MAGI2: variants seen among roughly 807,000 people sequenced by gnomAD.
MAGI2 encodes membrane-associated guanylate kinase, WW and PDZ domain-containing protein 2.
Under a neutral mutation model 133.3 loss-of-function variants are expected in MAGI2, and 35 were observed. That is an observed-to-expected ratio of 0.26 (90% CI 0.20 to 0.35). MAGI2 has a LOEUF of 0.35. MAGI2 is among the 10% of genes least tolerant of loss of function. MAGI2 has a pLI of 1.00. For synonymous variants in MAGI2, 729 were observed against 710.6 expected (o/e 1.03, Z -0.41); for missense variants, 1,636 against 1,863.4 (o/e 0.88, Z 2.25).
chr7:78,965,336 AT>A (rs952758548), intron 2 of MAGI2, among the ~76,000 whole-genome samples: 2,062 of 148,104 alleles, frequency 0.014, 49 homozygotes, highest in African/African-American at 0.047. Context: ...AAAAGGTAGA[AT>A]TTTTTTTTTT....
intron 9 of MAGI2, among the ~76,000 whole-genome samples, chr7:78,286,816 T>C (rs1388075140): frequency 6.6e-6 from 1 of 152,028 alleles, no homozygotes; most frequent in African/African-American, 2.4e-5. Context: ...GAACTGGTGG[T>C]GGGGATAAGT....
intron 2 of MAGI2, among the ~76,000 whole-genome samples, chr7:78,735,913 G>A (rs1224623899): frequency 3.9e-5 from 6 of 152,108 alleles, no homozygotes; most frequent in East Asian, 1.9e-4. Flanking sequence ...AAAGTAGACC[G>A]AATGTGTGTG....
At chr7:78,419,056 T>C (rs1308508815) in intron 6 of MAGI2, among the ~76,000 whole-genome samples, 1 of 152,134 alleles carries the variant, frequency 6.6e-6, no homozygotes, top group Non-Finnish European at 1.5e-5. Context: ...CAGTAAATAT[T>C]GATCAACCTG....
intron 2 of MAGI2, among the ~76,000 whole-genome samples, chr7:78,740,324 A>G (rs998721266): frequency 1.3e-5 from 2 of 152,130 alleles, no homozygotes; most frequent in Non-Finnish European, 2.9e-5. Flanking sequence ...ACATACCTTG[A>G]TATATTTATA....
chr7:78,206,293 TC>T (rs71085514), intron 10 of MAGI2, among the ~76,000 whole-genome samples: 19,824 of 75,642 alleles, frequency 0.26, 1,787 homozygotes, highest in Non-Finnish European at 0.32. Flanking sequence ...CCTTTTCCTT[TC>T]TTTTTTTTTT....
chr7:78,255,284 C>T (rs1466920504), intron 10 of MAGI2: 1 of 153,952 alleles, frequency 6.5e-6, no homozygotes, highest in African/African-American at 2.4e-5. Flanking sequence ...CCGGGACACT[C>T]AGGCCAGAAC....
chr7:78,701,329 T>A (rs1818049344), intron 2 of MAGI2, among the ~76,000 whole-genome samples: 2 of 152,062 alleles, frequency 1.3e-5, no homozygotes, highest in South Asian at 4.2e-4. Context: ...ACATTTGGCA[T>A]GGGGTTGGGA....
At chr7:78,203,997 A>G (rs183935973) in intron 10 of MAGI2, among the ~76,000 whole-genome samples, 36 of 152,266 alleles carry the variant, frequency 2.4e-4, no homozygotes, top group African/African-American at 8.4e-4. Context: ...AGCACTAAAA[A>G]CCAAATCAAA....
rs199901551 is a variant in MAGI2 at position 78,061,439 on chromosome 7, C to T, written c.3706+17508G>A. Reference sequence around the variant, plus strand: ...ACACACACACACACACACACACACACACACACACACACACACACGAGTGGG... The same window carrying T: ...ACACACACACACACACACACACACATACACACACACACACACACGAGTGGG... On this transcript the variant is annotated intron_variant, in intron 21 of 21. Coordinates refer to ENST00000354212, the MANE Select transcript of MAGI2 (RefSeq NM_012301.4). Among the ~76,000 whole-genome samples the T allele has an allele frequency of 2.6e-4, 31 of 119,256 alleles. No homozygotes were observed. In the East Asian group the frequency reaches 5.2e-3, roughly 20 times the overall value. 78.2% of individuals were successfully genotyped at this position (119,256 alleles called of 152,430 possible). A position where few individuals can be genotyped will look rare whatever the true frequency, so the allele number is the denominator to read the frequency against.
At chr7:78,393,399 G>A (rs542715857) in intron 6 of MAGI2, among the ~76,000 whole-genome samples, 2 of 152,196 alleles carry the variant, frequency 1.3e-5, no homozygotes, top group Non-Finnish European at 2.9e-5. Flanking sequence ...AGCTGTGGCA[G>A]TTTGGCCAGA....
chr7:78,246,656 G>C (rs116148763), intron 10 of MAGI2, among the ~76,000 whole-genome samples: 2,185 of 152,258 alleles, frequency 0.014, 61 homozygotes, highest in African/African-American at 0.05. Context: ...TCTGGCTGCT[G>C]CACCTGACCA....
Position 78,381,349 on chromosome 7 carries a change from T to TAAAAGAAAAGAAAAG in MAGI2, c.1046-12151_1046-12137dup, listed in dbSNP as rs111830035. Among the ~76,000 whole-genome samples the TAAAAGAAAAGAAAAG allele has an allele frequency of 3.1e-3, 468 of 150,866 alleles. 1 individual carries two copies. Among genetic ancestry groups the TAAAAGAAAAGAAAAG allele is most frequent in the Non-Finnish European group, 5.4e-3 (364 of 67,728 alleles). On this transcript the variant is annotated intron_variant, in intron 6 of 21. Coordinates refer to ENST00000354212, the MANE Select transcript of MAGI2 (RefSeq NM_012301.4). The stretch of plus-strand genomic sequence containing the variant: ...GTGACATATAAGACTCTGTCTCAAT[T>TAAAAGAAAAGAAAAG]AAAAGAAAAGAAAAGAAAAGAAACA...
At chr7:78,491,038 G>T (rs1400247150) in intron 5 of MAGI2, among the ~76,000 whole-genome samples, 1 of 152,082 alleles carries the variant, frequency 6.6e-6, no homozygotes, top group African/African-American at 2.4e-5. Flanking sequence ...TGATAATGAT[G>T]ATATAAATTT....
At chr7:79,005,479 C>T (rs1807339545) in intron 2 of MAGI2, among the ~76,000 whole-genome samples, 1 of 152,136 alleles carries the variant, frequency 6.6e-6, no homozygotes, top group African/African-American at 2.4e-5. Flanking sequence ...AAAGGAGATG[C>T]TCTATTTAAG....
intron 18 of MAGI2, among the ~76,000 whole-genome samples, chr7:78,128,443 C>T (rs1296309435): frequency 1.3e-5 from 2 of 151,994 alleles, no homozygotes; most frequent in Non-Finnish European, 2.9e-5. Flanking sequence ...TACATAGTAA[C>T]AATTTTATCT....
At chr7:79,425,283 CCT>C (rs1332436938) in intron 1 of MAGI2, among the ~76,000 whole-genome samples, 1 of 151,278 alleles carries the variant, frequency 6.6e-6, no homozygotes, top group Non-Finnish European at 1.5e-5. Context: ...TGATGTTCCC[CCT>C]CTTTCTCTCA....
At chr7:78,592,201 G>T (rs945203328) in intron 3 of MAGI2, among the ~76,000 whole-genome samples, 2 of 152,174 alleles carry the variant, frequency 1.3e-5, no homozygotes, top group African/African-American at 4.8e-5. Flanking sequence ...CAAATGGAGA[G>T]ATTTCATTGC....
intron 1 of MAGI2, among the ~76,000 whole-genome samples, chr7:79,011,262 C>T (rs1808058605): frequency 6.6e-6 from 1 of 152,118 alleles, no homozygotes; most frequent in South Asian, 2.1e-4. Context: ...AAATTGACTG[C>T]TTTGTCATTT....
At chr7:78,753,617 C>G (rs181688898) in intron 2 of MAGI2, among the ~76,000 whole-genome samples, 2 of 152,018 alleles carry the variant, frequency 1.3e-5, no homozygotes, top group East Asian at 3.9e-4. Flanking sequence ...TCTCAGGAAA[C>G]TGCAGGAAGA....
Sources: allele counts gnomAD v4.1 joint callset (sites outside exome capture counted in the v4.1 genomes callset), GRCh38; gene constraint gnomAD v4.1.1; transcripts MANE v1.5; gene names NCBI Gene and HGNC (gene_info 2026-07-23, HGNC 2026-07-21).